The following PCNT variants were observed in gnomAD, a reference collection of about 807,000 sequenced individuals.
PCNT encodes pericentrin, also known as kendrin.
In PCNT, 319 loss-of-function variants were observed where a neutral mutation model predicts 380.4. The ratio of observed to expected loss-of-function variants is 0.84; its 90% confidence interval spans 0.77 to 0.92. The LOEUF is 0.92. PCNT is among the 40% of genes least tolerant of loss of function. The probability of loss-of-function intolerance (pLI) is 0.00; values close to 1 mark genes in which losing one functional copy is unlikely to be tolerated. For missense variants in PCNT, 4,400 were observed against 4,255.3 expected (o/e 1.03, Z -0.95); for synonymous variants, 1,845 against 1,735.2 (o/e 1.06, Z -1.57).
At chr21:46,359,103 C>T (rs2084591196) in intron 13 of PCNT, among the ~76,000 whole-genome samples, 1 of 151,996 alleles carries the variant, frequency 6.6e-6, no homozygotes, top group African/African-American at 2.4e-5. Context: ...CCACCGCACC[C>T]AACCATGCCC....
rs1302366963 is a variant in PCNT, at chr21:46,346,712, G to A, written c.721-31G>A. 3.2e-6 allele frequency: 5 copies of A among 1,579,310 alleles called. No homozygotes were observed. The South Asian group carries it at 3.5e-5, about 11-fold the overall frequency. ...TGATGCGCCCTGGTTCTGACCATGG[G>A]CCCTTATCAGAGGCCTTTTCTCCGC... On this transcript the variant is annotated intron_variant, in intron 4 of 46. Coordinates refer to ENST00000359568, the MANE Select transcript of PCNT (RefSeq NM_006031.6).
intron 13 of PCNT, among the ~76,000 whole-genome samples, chr21:46,362,588 GTTTT>G (rs200609048): frequency 6.6e-6 from 1 of 151,974 alleles, no homozygotes; most frequent in Non-Finnish European, 1.5e-5. Flanking sequence ...CTTTTTTTGG[GTTTT>G]TTGTTTGTTT....
intron 6 of PCNT, among the ~76,000 whole-genome samples, chr21:46,348,046 G>A (rs1601798768): frequency 6.6e-6 from 1 of 152,232 alleles, no homozygotes; most frequent in South Asian, 2.1e-4. Flanking sequence ...CATCTGGGCA[G>A]CTCTCAGGCC....
chr21:46,408,106 A>C (rs1383949349), intron 27 of PCNT, among the ~76,000 whole-genome samples: 3 of 152,192 alleles, frequency 2.0e-5, no homozygotes, highest in Non-Finnish European at 2.9e-5. Flanking sequence ...CCACAATCTC[A>C]TCACTCAAAA....
At chr21:46,432,850 A>G (rs997565409) in intron 38 of PCNT, among the ~76,000 whole-genome samples, 1 of 152,018 alleles carries the variant, frequency 6.6e-6, no homozygotes, top group Non-Finnish European at 1.5e-5. Flanking sequence ...CAAACTTCTG[A>G]CCTCAGGTGA....
intron 2 of PCNT, among the ~76,000 whole-genome samples, chr21:46,331,447 TTTG>T (rs1331737706): frequency 6.6e-6 from 1 of 152,196 alleles, no homozygotes; most frequent in Non-Finnish European, 1.5e-5. Flanking sequence ...TGCCTTACAA[TTTG>T]TTAAGTGCAT....
intron 29 of PCNT, among the ~76,000 whole-genome samples, chr21:46,414,207 G>C (rs2086916791): frequency 6.6e-6 from 1 of 152,086 alleles, no homozygotes; most frequent in Non-Finnish European, 1.5e-5. Context: ...GGCCAGGCTG[G>C]TCTTGAACTC....
chr21:46,356,797 GA>G (rs2084496270), intron 12 of PCNT, among the ~76,000 whole-genome samples, 176 bp from the exon 13 acceptor site: 1 of 152,260 alleles, frequency 6.6e-6, no homozygotes. Flanking sequence ...TCCCGAAAGG[GA>G]GGGGAGACTT....
At chr21:46,385,777 C>T in intron 16 of PCNT, 55 bp from the exon 17 acceptor site, 1 of 1,570,906 alleles carries the variant, frequency 6.4e-7, no homozygotes, top group East Asian at 2.2e-5. Context: ...CCCTTACAGC[C>T]ATTTGCTTTT....
intron 27 of PCNT, among the ~76,000 whole-genome samples, chr21:46,407,165 A>G (rs1601989584): frequency 6.6e-6 from 1 of 152,168 alleles, no homozygotes; most frequent in Non-Finnish European, 1.5e-5. Flanking sequence ...CATAGCATCA[A>G]CAATGAAGCC....
chr21:46,383,488 C>G (rs1163274264), intron 16 of PCNT, among the ~76,000 whole-genome samples: 1 of 142,046 alleles, frequency 7.0e-6, no homozygotes, highest in East Asian at 2.2e-4. Context: ...GTTGTATATT[C>G]AGTGGCGGAA....
In PCNT at chr21:46,430,221, C is replaced by T. The variant is rs1217435838; in HGVS notation, c.7902C>T (p.Val2634=). Residue 2634 remains valine, a synonymous_variant, in exon 36 of 47, where the codon GTC becomes GTT. Transcript: ENST00000359568. ...CCCTCTGCGAGGTGCAGCAGGAGGT[C>T]CTCCAGCTGAGGTGCGCCTGATCCC... ...SRSLCEVQQE[V]LQLRSMLSSK... 3 of 1,613,050 alleles carry T rather than the reference C, an allele frequency of 1.9e-6. No homozygotes were observed. The highest frequency in any genetic ancestry group is 1.8e-4 in the Middle Eastern group (1 of 5,706).
Position 46,355,566 on chromosome 21 carries a change from G to A in PCNT, c.1876G>A (p.Val626Ile), listed in dbSNP as rs201507947. ...HEGHVSDRCC[V>I]ETSALGHEWR... is the part of the protein sequence containing the mutation. ...GGGGCATGTCTCAGACAGATGCTGCGTAGAGACTTCAGCATTGGGACACGA... is the reference window on the plus strand; with the variant it reads ...GGGGCATGTCTCAGACAGATGCTGCATAGAGACTTCAGCATTGGGACACGA... Residue 626 changes from valine to isoleucine, a missense_variant, in exon 12 of 47, where the codon GTA becomes ATA. By Grantham distance (29) the Val-to-Ile change is conservative. Transcript: ENST00000359568. 103 of 1,613,988 alleles carry A rather than the reference G, an allele frequency of 6.4e-5. No homozygotes were observed. In the Admixed American group the frequency reaches 6.5e-4, roughly 10 times the overall value.
chr21:46,379,367 G>A (rs1229134363), intron 15 of PCNT, among the ~76,000 whole-genome samples: 2 of 152,232 alleles, frequency 1.3e-5, no homozygotes, highest in Non-Finnish European at 2.9e-5. Flanking sequence ...TATACCTGCT[G>A]TGCACTGGCT....
Position 46,353,189 on chromosome 21 carries a change from C to A in PCNT, c.1542C>A (p.Ser514=), listed in dbSNP as rs2249057. 522,504 of 1,613,610 alleles carry A rather than the reference C, an allele frequency of 0.32. 86,014 individuals are homozygous for A. Among genetic ancestry groups the A allele is most frequent in the East Asian group, 0.42 (18,625 of 44,876 alleles). ...LKQREKTQHE[S]ELEQLRIYFE... ...AGCGAGAAAAAACCCAGCATGAGTCCGAACTGGAGCAACTGAGGATTTATT... is the reference window on the plus strand; with the variant it reads ...AGCGAGAAAAAACCCAGCATGAGTCAGAACTGGAGCAACTGAGGATTTATT... The change falls in exon 10 of 47, where the codon TCC becomes TCA. Residue 514 remains serine, a synonymous_variant. Transcript: ENST00000359568.
chr21:46,349,571 C>T, intron 7 of PCNT, 113 bp from the exon 8 acceptor site: 3 of 1,196,144 alleles, frequency 2.5e-6, no homozygotes, highest in Admixed American at 1.7e-5. Flanking sequence ...CCCGGGGGCG[C>T]CCAGGATGGG....
intron 30 of PCNT, among the ~76,000 whole-genome samples, chr21:46,417,065 G>A (rs1387909536): frequency 6.6e-6 from 1 of 152,114 alleles, no homozygotes; most frequent in Non-Finnish European, 1.5e-5. Flanking sequence ...ACATACCCTG[G>A]GCATGCTTCT....
At chr21:46,398,540 A>G (rs951591544) in intron 24 of PCNT, among the ~76,000 whole-genome samples, 1 of 152,264 alleles carries the variant, frequency 6.6e-6, no homozygotes, top group Non-Finnish European at 1.5e-5. Flanking sequence ...CACAGCCAGT[A>G]TGGGCAGGGA....
intron 19 of PCNT, 24 bp downstream of exon 19, chr21:46,389,455 C>A: frequency 6.3e-7 from 1 of 1,590,304 alleles, no homozygotes; most frequent in Non-Finnish European, 8.6e-7. Flanking sequence ...TCCCGGGGTC[C>A]TGTGGAGATG....
Sources: allele counts gnomAD v4.1 joint callset (sites outside exome capture counted in the v4.1 genomes callset), GRCh38; gene constraint gnomAD v4.1.1; transcripts MANE v1.5; gene names NCBI Gene and HGNC (gene_info 2026-07-23, HGNC 2026-07-21).